CLASP2: variants seen among roughly 807,000 people sequenced by gnomAD.
CLASP2 encodes the protein CLIP-associating protein 2.
CLASP2 carries 47 observed loss-of-function variants against 194.4 expected under a neutral mutation model. The observed-to-expected ratio is 0.24, with a 90% CI of 0.19 to 0.31. CLASP2 has a LOEUF of 0.31. Among genes scored for constraint, CLASP2 ranks in the 10% least tolerant of loss-of-function variants. CLASP2 has a pLI of 1.00. For missense variants in CLASP2, 1,445 were observed against 1,823.6 expected, an observed-to-expected ratio of 0.79 and a Z score of 3.78; for synonymous variants, 619 against 633.5, an observed-to-expected ratio of 0.98 and a Z score of 0.34.
intron 6 of CLASP2, among the ~76,000 whole-genome samples, chr3:33,667,186 C>A (rs553897452): frequency 6.6e-6 from 1 of 151,754 alleles, no homozygotes; most frequent in Non-Finnish European, 1.5e-5. Context: ...CCGAGGCAGG[C>A]GGATCACTTG....
chr3:33,574,583 G>A, intron 24 of CLASP2: 2 of 698,164 alleles, frequency 2.9e-6, no homozygotes, highest in Admixed American at 2.9e-5. Flanking sequence ...CATTAACAAT[G>A]CCTATGATCA....
intron 1 of CLASP2, among the ~76,000 whole-genome samples, chr3:33,713,014 A>G (rs1054844342): frequency 2.7e-3 from 235 of 85,982 alleles, no homozygotes; most frequent in Non-Finnish European, 4.3e-3. Context: ...CTCCACCTCA[A>G]AAAAAAAAAA....
Position 33,669,947 on chromosome 3 carries a change from C to T in CLASP2, c.645-6432G>A, listed in dbSNP as rs113445523. 7.6e-3 allele frequency among the ~76,000 whole-genome samples: 1,157 copies of T among 152,076 alleles called. 13 individuals carry two copies. The highest frequency in any genetic ancestry group is 0.026 in the African/African-American group (1,060 of 41,486). ...TTATTAGCAGCATACTCATAAAAACCGTAAACCAAAAACAATGCAAATATC... is the reference window on the plus strand; with the variant it reads ...TTATTAGCAGCATACTCATAAAAACTGTAAACCAAAAACAATGCAAATATC... On this transcript the variant is annotated intron_variant, in intron 6 of 38. Coordinates refer to ENST00000682230, the MANE Select transcript of CLASP2 (RefSeq NM_001365631.1).
intron 29 of CLASP2, among the ~76,000 whole-genome samples, chr3:33,553,308 T>C (rs2060357351): frequency 6.6e-6 from 1 of 152,202 alleles, no homozygotes; most frequent in Non-Finnish European, 1.5e-5. Flanking sequence ...AAGAAGTATT[T>C]ATAATTTTAC....
At chr3:33,704,552 G>A (rs944256650) in intron 1 of CLASP2, among the ~76,000 whole-genome samples, 1 of 152,070 alleles carries the variant, frequency 6.6e-6, no homozygotes, top group African/African-American at 2.4e-5. Context: ...AGGAGATCGA[G>A]ACCATCCTGG....
chr3:33,571,493 G>C (rs937948174), intron 25 of CLASP2, among the ~76,000 whole-genome samples: 2 of 151,854 alleles, frequency 1.3e-5, no homozygotes, highest in African/African-American at 2.4e-5. Context: ...AGCTGCGCTG[G>C]TCATGGTGGC....
At chr3:33,665,037 G>A (rs975049835) in intron 6 of CLASP2, among the ~76,000 whole-genome samples, 1 of 151,828 alleles carries the variant, frequency 6.6e-6, no homozygotes, top group Non-Finnish European at 1.5e-5. Flanking sequence ...GGAGACAGAA[G>A]TTGCAGTGAG....
chr3:33,616,509 G>T (rs1166844462), intron 12 of CLASP2, among the ~76,000 whole-genome samples: 1 of 151,816 alleles, frequency 6.6e-6, no homozygotes, highest in Non-Finnish European at 1.5e-5. Context: ...ATGAATAAAT[G>T]AAAAAACAAA....
chr3:33,510,641 T>G lies in CLASP2; in HGVS notation c.4234A>C (p.Lys1412Gln). ...CTCTCTATCACTTTTGTTTGCATTTTGATTGCAGCCAGATTAATTGGGTAG... is the reference window on the plus strand; with the variant it reads ...CTCTCTATCACTTTTGTTTGCATTTGGATTGCAGCCAGATTAATTGGGTAG... ...ADYPINLAAI[K>Q]MQTKVIERVS... Residue 1412 changes from lysine (K) to glutamine (Q), a missense_variant, in exon 37 of 39, where the codon AAA becomes CAA. Transcript: ENST00000682230. 3 of 1,613,956 alleles carry G rather than the reference T, an allele frequency of 1.9e-6. No homozygotes were observed. The highest frequency in any genetic ancestry group is 2.5e-6 in the Non-Finnish European group (3 of 1,179,878).
At chr3:33,654,311 A>G (rs2083766479) in intron 7 of CLASP2, among the ~76,000 whole-genome samples, 1 of 152,160 alleles carries the variant, frequency 6.6e-6, no homozygotes, top group Admixed American at 6.5e-5. Context: ...CACACACAGG[A>G]TTTTGTGGAA....
chr3:33,590,975 G>GT (rs1307041688), intron 21 of CLASP2, among the ~76,000 whole-genome samples: 3 of 152,064 alleles, frequency 2.0e-5, no homozygotes, highest in Non-Finnish European at 2.9e-5. Flanking sequence ...GAGCCCAGGA[G>GT]TTTGAGACCA....
At chr3:33,536,910 T>C (rs1576076061) in intron 33 of CLASP2, among the ~76,000 whole-genome samples, 2 of 152,206 alleles carry the variant, frequency 1.3e-5, no homozygotes, top group African/African-American at 2.4e-5. Context: ...TTAACTAAGA[T>C]AGGAAAGAGC....
At chr3:33,525,019 T>C (rs1330746374) in intron 34 of CLASP2, among the ~76,000 whole-genome samples, 3 of 152,194 alleles carry the variant, frequency 2.0e-5, no homozygotes, top group African/African-American at 7.2e-5. Flanking sequence ...ATAGGTTATA[T>C]GTTGGGACAC....
At chr3:33,519,543 G>C (rs568304785) in intron 34 of CLASP2, among the ~76,000 whole-genome samples, 1 of 152,032 alleles carries the variant, frequency 6.6e-6, no homozygotes, top group African/African-American at 2.4e-5. Context: ...AATCAGAACA[G>C]AAATAGAGAA....
chr3:33,702,706 A>T (rs1175866171), intron 1 of CLASP2, among the ~76,000 whole-genome samples: 1 of 152,224 alleles, frequency 6.6e-6, no homozygotes, highest in East Asian at 1.9e-4. Flanking sequence ...TATATCTGTT[A>T]AGGGACTTGT....
At chr3:33,683,273 A>C (rs527601253) in intron 6 of CLASP2, 6 of 152,324 alleles carry the variant, frequency 3.9e-5, no homozygotes, top group Non-Finnish European at 8.8e-5. Context: ...GACCTTAAGA[A>C]CTTTTTAAAT....
chr3:33,592,300 T>C (rs2068981028), intron 21 of CLASP2, 95 bp downstream of exon 21: 1 of 879,372 alleles, frequency 1.1e-6, no homozygotes, highest in Non-Finnish European at 1.9e-6. Context: ...GCTTTGTCTT[T>C]ATCCACTGGT....
chr3:33,501,260 C>G (rs1231287460), intron 38 of CLASP2, among the ~76,000 whole-genome samples: 6 of 152,126 alleles, frequency 3.9e-5, no homozygotes, highest in African/African-American at 1.4e-4. Context: ...TGCAAGTATT[C>G]TATATTTGGA....
At chr3:33,623,642 A>G (rs777969167) in intron 10 of CLASP2, among the ~76,000 whole-genome samples, 2 of 152,172 alleles carry the variant, frequency 1.3e-5, no homozygotes, top group Non-Finnish European at 2.9e-5. Flanking sequence ...TCCAATGTGT[A>G]TATGTACCAC....
Sources: gnomAD v4.1 joint callset for allele counts (sites outside exome capture counted in the v4.1 genomes callset) on GRCh38, gnomAD v4.1.1 for gene constraint, MANE v1.5 for transcripts, NCBI Gene and HGNC (gene_info 2026-07-23, HGNC 2026-07-21) for gene names.